DYSF: variants seen among roughly 807,000 people sequenced by gnomAD.
The protein encoded by DYSF is dysferlin, also known as dystrophy-associated fer-1-like 1.
DYSF carries 212 observed loss-of-function variants against 274.9 expected under a neutral mutation model. The ratio of observed to expected loss-of-function variants is 0.77; its 90% CI spans 0.69 to 0.86. The LOEUF is 0.86. Ranked by LOEUF, DYSF falls within the 40% of genes least tolerant of loss-of-function variation. The probability of loss-of-function intolerance (pLI) is 0.00; values close to 1 mark genes in which losing one functional copy is unlikely to be tolerated. For synonymous variants in DYSF, 1,091 were observed against 1,078.7 expected, an observed-to-expected ratio of 1.01 and a Z score of -0.22; for missense variants, 2,666 against 2,783.2, an observed-to-expected ratio of 0.96 and a Z score of 0.95.
At chr2:71,593,302 T>G (rs2093323944) in intron 32 of DYSF, among the ~76,000 whole-genome samples, 1 of 151,896 alleles carries the variant, frequency 6.6e-6, no homozygotes, top group African/African-American at 2.4e-5. Context: ...CCAGCTAATT[T>G]TTTGTATTAG....
intron 36 of DYSF, among the ~76,000 whole-genome samples, chr2:71,604,601 A>C (rs978475097): frequency 6.6e-6 from 1 of 152,084 alleles, no homozygotes; most frequent in Non-Finnish European, 1.5e-5. Context: ...ACTAGCTAGG[A>C]GGCTCTTGAG....
intron 41 of DYSF, among the ~76,000 whole-genome samples, chr2:71,639,609 AC>A (rs2094457096): frequency 6.6e-6 from 1 of 152,194 alleles, no homozygotes; most frequent in Non-Finnish European, 1.5e-5. Flanking sequence ...ATATGGAGGT[AC>A]CGTTCAGTTC....
chr2:71,635,878 T>G (rs1018952972), intron 41 of DYSF, among the ~76,000 whole-genome samples: 29 of 151,220 alleles, frequency 1.9e-4, no homozygotes, highest in African/African-American at 7.1e-4. Context: ...ATGGAGATAA[T>G]CACTGTGGAG....
Position 71,570,690 on chromosome 2 carries a change from C to T in DYSF, c.3177C>T (p.Arg1059=). 6.2e-7 allele frequency: 1 copy of T among 1,614,072 alleles called. No individual in the cohort carries two copies. The highest frequency in any genetic ancestry group is 8.5e-7 in the Non-Finnish European group (1 of 1,179,968). The change falls in exon 29 of 56, where the codon CGC becomes CGT. Residue 1059 remains arginine, a synonymous_variant. Coordinates refer to ENST00000410020, the MANE Select transcript of DYSF (RefSeq NM_001130987.2). ...EKMYYTHRRR[R]WVRLRRRDLS... is the part of the protein sequence containing the mutation. ...TGTACTACACACACCGACGGCGGCGCTGGGTGCGCCTGCGCAGGAGGGATC... is the reference window on the plus strand; with the variant it reads ...TGTACTACACACACCGACGGCGGCGTTGGGTGCGCCTGCGCAGGAGGGATC...
intron 51 of DYSF, among the ~76,000 whole-genome samples, chr2:71,670,882 C>T (rs2095107883): frequency 6.6e-6 from 1 of 152,146 alleles, no homozygotes; most frequent in Non-Finnish European, 1.5e-5. Flanking sequence ...CATTAAATTC[C>T]ACCCTGAGGT....
Position 71,551,713 on chromosome 2 carries a change from G to GAA in DYSF, c.1799_1800insAA (p.Val601ArgfsTer45). 1 of 1,604,686 alleles carries GAA rather than the reference G, an allele frequency of 6.2e-7. No homozygotes were observed. The highest frequency in any genetic ancestry group is 1.1e-5 in the South Asian group (1 of 88,726). ...GACCTTCCTGCGGATGACATCCTCC[G>GAA]GGTGGAGGTGAGGGGTGTGGCTCTG... On this transcript the variant is annotated frameshift_variant, in exon 19 of 56. Transcript: ENST00000410020. LOFTEE classifies it high-confidence loss of function.
intron 17 of DYSF, among the ~76,000 whole-genome samples, chr2:71,549,673 G>A (rs979254201): frequency 6.6e-6 from 1 of 151,738 alleles, no homozygotes; most frequent in Non-Finnish European, 1.5e-5. Context: ...CACTCTGTCT[G>A]GTAGTGAGGG....
chr2:71,592,933 G>A (rs2093310402), intron 32 of DYSF, among the ~76,000 whole-genome samples: 1 of 152,184 alleles, frequency 6.6e-6, no homozygotes, highest in Non-Finnish European at 1.5e-5. Context: ...GAGGGAGGCT[G>A]TCCTAGAGAT....
intron 16 of DYSF, among the ~76,000 whole-genome samples, chr2:71,537,731 AG>A (rs1451567452): frequency 6.6e-6 from 1 of 152,182 alleles, no homozygotes; most frequent in African/African-American, 2.4e-5. Context: ...GGTACCTTGT[AG>A]GGTTAGGATT....
At chr2:71,653,580 T>C (rs1170537349) in intron 42 of DYSF, among the ~76,000 whole-genome samples, 4 of 147,128 alleles carry the variant, frequency 2.7e-5, no homozygotes, top group Middle Eastern at 3.3e-3. Flanking sequence ...AAACACCGCA[T>C]GTTCTCACTC....
intron 32 of DYSF, 32 bp from the exon 33 acceptor site, chr2:71,598,532 C>T: frequency 6.2e-7 from 1 of 1,613,556 alleles, no homozygotes; most frequent in Non-Finnish European, 8.5e-7. Context: ...CTGCTGTGTC[C>T]TGTCTCCCCT....
rs1039877037 is a variant in DYSF, at chr2:71,482,076, G to C, written c.239+106G>C. 3 of 881,104 alleles carry C rather than the reference G, an allele frequency of 3.4e-6. No individual in the cohort carries two copies. In the African/African-American group the frequency reaches 5.0e-5, roughly 15 times the overall value. The allele number at this position is 881,104 out of a possible 1,614,324, so 54.6% of individuals were successfully genotyped here. On this transcript the variant is annotated intron_variant, in intron 3 of 55. Transcript: ENST00000410020. ...CCCCAGGGAGCTGGGGTTTCAATTA[G>C]CATTTATCCACCTCCTCCCATGGGA...
At chr2:71,612,537 G>T (rs1471786607) in intron 38 of DYSF, 104 bp from the exon 39 acceptor site, 1 of 1,540,284 alleles carries the variant, frequency 6.5e-7, no homozygotes, top group Non-Finnish European at 8.9e-7. Context: ...ATTTCTGGCT[G>T]TGGGGATTAT....
intron 1 of DYSF, among the ~76,000 whole-genome samples, chr2:71,475,540 T>C (rs1438375761): frequency 2.6e-5 from 4 of 152,002 alleles, no homozygotes; most frequent in African/African-American, 9.7e-5. Flanking sequence ...CAGGGGAGTC[T>C]TACCAGAGGA....
chr2:71,550,406 T>C (rs1322766571), intron 17 of DYSF, among the ~76,000 whole-genome samples: 1 of 151,724 alleles, frequency 6.6e-6, no homozygotes, highest in Non-Finnish European at 1.5e-5. Context: ...TTGTTCTTTG[T>C]ACAATGTGTG....
intron 3 of DYSF, among the ~76,000 whole-genome samples, chr2:71,490,018 G>A (rs2083691660): frequency 6.6e-6 from 1 of 152,150 alleles, no homozygotes; most frequent in African/African-American, 2.4e-5. Context: ...AATATATGGG[G>A]GCTGTTGGGA....
At position 71,516,271 on chromosome 2, in the gene DYSF, G is replaced by A. The variant is rs114384446; in HGVS notation, c.951+29G>A. 1.1e-3 allele frequency: 1,692 copies of A among 1,609,312 alleles called. 3 individuals are homozygous for A. Among genetic ancestry groups the A allele is most frequent in the Non-Finnish European group, 1.1e-3 (1,342 of 1,175,702 alleles). On this transcript the variant is annotated intron_variant, in intron 9 of 55. Transcript: ENST00000410020. Reference sequence around the variant, plus strand: ...TGTCTCAGCAGTCAAAGTGTTCTCCGTGGGCTGTATGTATGCACATAGGTG... The same window carrying A: ...TGTCTCAGCAGTCAAAGTGTTCTCCATGGGCTGTATGTATGCACATAGGTG...
intron 53 of DYSF, 110 bp from the exon 54 acceptor site, chr2:71,680,891 C>CTT: frequency 1.2e-6 from 1 of 862,976 alleles, no homozygotes. Flanking sequence ...AACCCTACAT[C>CTT]TTTTTTTTTA....
At chr2:71,624,889 G>T (rs1414192182) in intron 41 of DYSF, among the ~76,000 whole-genome samples, 1 of 151,346 alleles carries the variant, frequency 6.6e-6, no homozygotes, top group South Asian at 2.1e-4. Flanking sequence ...TGATCATTTT[G>T]TACTTCTTCA....
Sources: allele counts gnomAD v4.1 joint callset (sites outside exome capture counted in the v4.1 genomes callset), GRCh38; gene constraint gnomAD v4.1.1; transcripts MANE v1.5; gene names NCBI Gene and HGNC (gene_info 2026-07-23, HGNC 2026-07-21).